The following WDR19 variants were observed in gnomAD, a reference collection of about 807,000 sequenced individuals.
WDR19 encodes WD repeat domain 19.
WDR19 carries 121 observed loss-of-function variants against 180.0 expected under a neutral mutation model. The observed-to-expected ratio is 0.67, with a 90% CI of 0.58 to 0.78. The LOEUF is 0.78. WDR19 is among the 30% of genes least tolerant of loss of function. The pLI, the probability that WDR19 is intolerant of heterozygous loss-of-function variation, is 0.00. For synonymous variants in WDR19, 497 were observed against 540.7 expected (o/e 0.92, Z 1.12); for missense variants, 1,450 against 1,640.7 (o/e 0.88, Z 2.01).
intron 14 of WDR19, among the ~76,000 whole-genome samples, chr4:39,219,423 G>A (rs972922971): frequency 5.3e-5 from 8 of 152,172 alleles, no homozygotes; most frequent in African/African-American, 1.9e-4. Context: ...ATTATGTGGC[G>A]AATGACTGGT....
intron 14 of WDR19, among the ~76,000 whole-genome samples, chr4:39,224,366 T>C (rs1379629919): frequency 6.6e-6 from 1 of 152,012 alleles, no homozygotes; most frequent in Non-Finnish European, 1.5e-5. Context: ...TCCCATTTTA[T>C]TTTTATTTTT....
chr4:39,255,930 A>G lies in WDR19; in HGVS notation c.3084A>G (p.Lys1028=). 6.2e-7 allele frequency: 1 copy of G among 1,607,158 alleles called. No individual in the cohort carries two copies. Among genetic ancestry groups the G allele is most frequent in the Non-Finnish European group, 8.5e-7 (1 of 1,176,792 alleles). Residue 1028 remains lysine, a synonymous_variant, in exon 27 of 37, where the codon AAA becomes AAG. Coordinates refer to ENST00000399820, the MANE Select transcript of WDR19 (RefSeq NM_025132.4). The part of the protein sequence containing the change: ...EGEKRYLQAG[K]FFLLCGQYSR... ...AAAAGAGATATCTTCAGGCTGGAAA[A>G]TTCTTCTTGCTGTGTGGCCAATATT...
chr4:39,285,236 T>C (rs551044171), intron 36 of WDR19, among the ~76,000 whole-genome samples: 1 of 107,190 alleles, frequency 9.3e-6, no homozygotes, highest in Admixed American at 7.9e-5. Flanking sequence ...GTGAGATGGC[T>C]GTTATCATCA....
chr4:39,282,649 C>T (rs1004775612), intron 36 of WDR19, among the ~76,000 whole-genome samples: 5 of 152,188 alleles, frequency 3.3e-5, no homozygotes, highest in Admixed American at 1.3e-4. Flanking sequence ...CCACCCACCT[C>T]GGCCTCCCAA....
chr4:39,216,932 G>A (rs1442987534), intron 12 of WDR19, among the ~76,000 whole-genome samples: 1 of 152,148 alleles, frequency 6.6e-6, no homozygotes, highest in Non-Finnish European at 1.5e-5. Context: ...TGGAATGCCT[G>A]AAGGCAAATT....
chr4:39,214,447 A>G (rs775602645), intron 9 of WDR19, among the ~76,000 whole-genome samples, 154 bp from the exon 10 acceptor site: 1 of 152,236 alleles, frequency 6.6e-6, no homozygotes, highest in Non-Finnish European at 1.5e-5. Flanking sequence ...AATGAAGTAC[A>G]GAAATTCTAA....
intron 28 of WDR19, among the ~76,000 whole-genome samples, chr4:39,258,101 G>A (rs1325862000): frequency 6.6e-6 from 1 of 152,016 alleles, no homozygotes; most frequent in African/African-American, 2.4e-5. Context: ...TCCAGTTTCA[G>A]TCAGCATTAT....
intron 26 of WDR19, among the ~76,000 whole-genome samples, chr4:39,254,873 A>G (rs1313670330): frequency 6.6e-6 from 1 of 152,160 alleles, no homozygotes; most frequent in African/African-American, 2.4e-5. Context: ...AAGTGGAATC[A>G]TAAAATATTT....
chr4:39,240,285 A>G lies in WDR19; in HGVS notation c.2372A>G (p.Tyr791Cys). 1.5e-6 allele frequency: 2 copies of G among 1,375,132 alleles called. No homozygotes were observed. Among genetic ancestry groups the G allele is most frequent in the Middle Eastern group, 1.9e-4 (1 of 5,308 alleles). The allele number at this position is 1,375,132 out of a possible 1,614,324, so 85.2% of individuals were successfully genotyped here. A position where few individuals can be genotyped will look rare whatever the true frequency, so the allele number is the denominator to read the frequency against. The change falls in exon 21 of 37, where the codon TAT (tyrosine) becomes TGT (cysteine). Residue 791 changes from tyrosine (Y) to cysteine (C), a missense_variant. Tyr to Cys is a radical substitution (Grantham distance 194). Coordinates refer to ENST00000399820, the MANE Select transcript of WDR19 (RefSeq NM_025132.4). ...YAIQLEFAGD[Y>C]VNALAHYEKG... ...TCTTATTTTTTTTTCAGGGGTGATT[A>G]TGTAAATGCTTTGGCTCATTATGAG...
At chr4:39,191,957 A>G (rs191059976) in intron 4 of WDR19, among the ~76,000 whole-genome samples, 1 of 152,220 alleles carries the variant, frequency 6.6e-6, no homozygotes, top group Non-Finnish European at 1.5e-5. Context: ...GGAAATTTAC[A>G]TATGCTTTAG....
At chr4:39,270,445 G>A (rs569621808) in intron 31 of WDR19, among the ~76,000 whole-genome samples, 8 of 152,214 alleles carry the variant, frequency 5.3e-5, no homozygotes, top group East Asian at 3.9e-4. Context: ...GCACGTCCTC[G>A]GCTCACTGCA....
chr4:39,276,820 C>A, intron 33 of WDR19, 200 bp from the exon 34 acceptor site: 1 of 575,498 alleles, frequency 1.7e-6, no homozygotes, highest in Non-Finnish European at 2.9e-6. Context: ...ACCCTAGAAC[C>A]TAACCAATCC....
intron 24 of WDR19, among the ~76,000 whole-genome samples, chr4:39,252,397 T>C (rs1422745280): frequency 6.8e-6 from 1 of 146,548 alleles, no homozygotes; most frequent in Non-Finnish European, 1.5e-5. Context: ...TTAGGTGATA[T>C]ACCTAATGCT....
At position 39,189,119 on chromosome 4, in the gene WDR19, TC is replaced by T. The variant is rs201634056; in HGVS notation, c.165-536del. On this transcript the variant is annotated intron_variant, in intron 3 of 36. Coordinates refer to ENST00000399820, the MANE Select transcript of WDR19 (RefSeq NM_025132.4). ...TGTATTTTTTAGTAGAGACGGGGTT[TC>T]TCCATGTTGGTCAAGCTGGTCCCGA... Among the ~76,000 whole-genome samples, 1,313 of 152,204 alleles carry T rather than the reference TC, an allele frequency of 8.6e-3. 10 individuals carry two copies. The highest frequency in any genetic ancestry group is 0.019 in the South Asian group (91 of 4,814).
chr4:39,270,126 C>CATGTAT (rs772651741), intron 31 of WDR19, 26 bp downstream of exon 31: 53 of 1,609,792 alleles, frequency 3.3e-5, no homozygotes, highest in Non-Finnish European at 4.2e-5. Context: ...TGACTTGGGA[C>CATGTAT]ATAACCTGCC....
chr4:39,234,823 C>A lies in WDR19; in HGVS notation c.2311C>A (p.Pro771Thr). The change falls in exon 20 of 37, where the codon CCA becomes ACA. Residue 771 changes from proline (P) to threonine (T), a missense_variant. Transcript: ENST00000399820. ...SALQLAKHLA[P>T]DQIPFISKEY... Reference sequence around the variant, plus strand: ...TCTACAACTGGCAAAGCATTTGGCCCCAGACCAGATACCTTTTATATCAAA... The same window carrying A: ...TCTACAACTGGCAAAGCATTTGGCCACAGACCAGATACCTTTTATATCAAA... 2 of 1,583,142 alleles carry A rather than the reference C, an allele frequency of 1.3e-6. No homozygotes were observed. Among genetic ancestry groups the A allele is most frequent in the East Asian group, 2.3e-5 (1 of 43,674 alleles).
chr4:39,273,376 T>C, intron 32 of WDR19: 1 of 340,854 alleles, frequency 2.9e-6, no homozygotes, highest in Non-Finnish European at 5.3e-6. Flanking sequence ...CCCTTCCCAG[T>C]GGAGCACACA....
intron 6 of WDR19, 95 bp downstream of exon 6, chr4:39,199,688 T>C (rs1727175105): frequency 7.1e-6 from 7 of 988,794 alleles, no homozygotes; most frequent in Non-Finnish European, 1.1e-5. Flanking sequence ...TTTTTAAAAA[T>C]CTATATGTGA....
chr4:39,277,491 T>C (rs1337169719), intron 34 of WDR19, among the ~76,000 whole-genome samples: 1 of 152,210 alleles, frequency 6.6e-6, no homozygotes, highest in East Asian at 1.9e-4. Context: ...TAATAAGCAG[T>C]AGTTTTTATT....
Sources: gnomAD v4.1 joint callset for allele counts (sites outside exome capture counted in the v4.1 genomes callset) on GRCh38, gnomAD v4.1.1 for gene constraint, MANE v1.5 for transcripts, NCBI Gene and HGNC (gene_info 2026-07-23, HGNC 2026-07-21) for gene names.